KIAA0825: variants seen among roughly 807,000 people sequenced by gnomAD.
KIAA0825 encodes the protein uncharacterized protein KIAA0825.
In KIAA0825, 119 loss-of-function variants were observed where a neutral mutation model predicts 147.6. That is an observed-to-expected ratio of 0.81 (90% confidence interval 0.69 to 0.94). The LOEUF is 0.94. Among genes scored for constraint, KIAA0825 ranks in the 40% least tolerant of loss-of-function variants. The probability of loss-of-function intolerance (pLI) is 0.00; values close to 1 mark genes in which losing one functional copy is unlikely to be tolerated. For missense variants in KIAA0825, 1,381 were observed against 1,472.7 expected, an observed-to-expected ratio of 0.94 and a Z score of 1.02; for synonymous variants, 470 against 518.1, an observed-to-expected ratio of 0.91 and a Z score of 1.26.
chr5:94,212,359 C>T (rs889920150), intron 20 of KIAA0825, among the ~76,000 whole-genome samples: 6 of 152,114 alleles, frequency 3.9e-5, no homozygotes, highest in African/African-American at 7.2e-5. Context: ...TGGAAAATAG[C>T]GTCTTACACA....
intron 20 of KIAA0825, among the ~76,000 whole-genome samples, chr5:94,283,026 C>A (rs897524136): frequency 6.6e-6 from 1 of 151,858 alleles, no homozygotes; most frequent in African/African-American, 2.4e-5. Context: ...CAGAAGAATG[C>A]AATAATTACC....
chr5:94,485,304 A>G (rs534898796), intron 5 of KIAA0825, among the ~76,000 whole-genome samples: 1 of 151,910 alleles, frequency 6.6e-6, no homozygotes, highest in South Asian at 2.1e-4. Context: ...ACAGTCTACA[A>G]AATAACTAGT....
chr5:94,219,757 C>T (rs1200786256), intron 20 of KIAA0825, among the ~76,000 whole-genome samples: 1 of 152,010 alleles, frequency 6.6e-6, no homozygotes, highest in East Asian at 1.9e-4. Flanking sequence ...GTAAAAATAT[C>T]ATATGAAAGA....
intron 1 of KIAA0825, among the ~76,000 whole-genome samples, chr5:94,604,645 G>A (rs560760769): frequency 6.6e-5 from 10 of 152,240 alleles, no homozygotes; most frequent in African/African-American, 2.4e-4. Context: ...GTTCCTGAAT[G>A]ACTTTTGAGT....
At chr5:94,417,638 T>C (rs1753637587) in intron 14 of KIAA0825, among the ~76,000 whole-genome samples, 1 of 152,112 alleles carries the variant, frequency 6.6e-6, no homozygotes, top group South Asian at 2.1e-4. Flanking sequence ...ACTTCAAAGG[T>C]CAACGCTAGT....
At chr5:94,533,465 C>T (rs1234447408) in intron 3 of KIAA0825, among the ~76,000 whole-genome samples, 1 of 151,546 alleles carries the variant, frequency 6.6e-6, no homozygotes, top group Non-Finnish European at 1.5e-5. Context: ...TTAGTAGAGA[C>T]AGGGTTTCAT....
intron 20 of KIAA0825, among the ~76,000 whole-genome samples, chr5:94,245,069 A>G (rs956481649): frequency 1.3e-5 from 2 of 152,208 alleles, no homozygotes; most frequent in Non-Finnish European, 2.9e-5. Flanking sequence ...TTTACATGAA[A>G]TACTGGTATC....
chr5:94,227,021 A>C (rs1246640006), intron 20 of KIAA0825, among the ~76,000 whole-genome samples: 1 of 151,868 alleles, frequency 6.6e-6, no homozygotes, highest in African/African-American at 2.4e-5. Context: ...TAGAAATACC[A>C]TTTGACCCAG....
intron 2 of KIAA0825, among the ~76,000 whole-genome samples, chr5:94,548,182 T>C (rs2151421476): frequency 6.6e-6 from 1 of 152,252 alleles, no homozygotes; most frequent in East Asian, 1.9e-4. Flanking sequence ...GACTAAATGA[T>C]GAATGAATTG....
intron 20 of KIAA0825, among the ~76,000 whole-genome samples, chr5:94,234,545 G>T (rs1240720308): frequency 6.6e-6 from 1 of 152,174 alleles, no homozygotes; most frequent in Non-Finnish European, 1.5e-5. Flanking sequence ...TCATGGTGCT[G>T]CAGGCTTTAC....
chr5:94,393,564 T>G (rs1218037840), intron 17 of KIAA0825, among the ~76,000 whole-genome samples: 1 of 152,196 alleles, frequency 6.6e-6, no homozygotes, highest in African/African-American at 2.4e-5. Flanking sequence ...TCTAGCTAAA[T>G]GGTATCATGT....
At chr5:94,216,482 A>G (rs1224204256) in intron 20 of KIAA0825, among the ~76,000 whole-genome samples, 2 of 152,148 alleles carry the variant, frequency 1.3e-5, no homozygotes, top group East Asian at 3.9e-4. Flanking sequence ...CTGATTTTTA[A>G]CAGGAGGAAT....
chr5:94,603,058 AC>A (rs1786804310), intron 1 of KIAA0825, among the ~76,000 whole-genome samples: 1 of 151,978 alleles, frequency 6.6e-6, no homozygotes. Flanking sequence ...TGAACTCCTG[AC>A]CTCATGATCT....
At chr5:94,494,434 A>G (rs1474861905) in intron 5 of KIAA0825, among the ~76,000 whole-genome samples, 2 of 151,376 alleles carry the variant, frequency 1.3e-5, no homozygotes, top group East Asian at 3.9e-4. Flanking sequence ...TTACATTTGA[A>G]TTCAGCCAAA....
chr5:94,444,450 C>G (rs1757488431), intron 13 of KIAA0825, among the ~76,000 whole-genome samples: 1 of 152,060 alleles, frequency 6.6e-6, no homozygotes, highest in Non-Finnish European at 1.5e-5. Flanking sequence ...ACCAGGGCAT[C>G]TCTCAATGCT....
intron 12 of KIAA0825, among the ~76,000 whole-genome samples, chr5:94,455,212 G>T (rs776944480): frequency 2.6e-5 from 4 of 151,944 alleles, no homozygotes; most frequent in Non-Finnish European, 4.4e-5. Flanking sequence ...AAAAAGGAAC[G>T]TAAGATGTAA....
intron 14 of KIAA0825, among the ~76,000 whole-genome samples, chr5:94,419,343 C>T (rs1753874329): frequency 6.6e-6 from 1 of 152,176 alleles, no homozygotes; most frequent in South Asian, 2.1e-4. Flanking sequence ...CCTCTTCTTT[C>T]TGCTCCCTCC....
chr5:94,490,508 G>A (rs763290438), intron 5 of KIAA0825, among the ~76,000 whole-genome samples: 9 of 151,932 alleles, frequency 5.9e-5, no homozygotes, highest in Non-Finnish European at 8.8e-5. Context: ...TGATGGGCTG[G>A]GAACTTGATA....
chr5:94,421,638 T>C lies in KIAA0825; in HGVS notation c.2498-4273A>G, dbSNP rs1229778468. Among the ~76,000 whole-genome samples the C allele has an allele frequency of 2.6e-5, 4 of 152,334 alleles. No individual in the cohort carries two copies. The East Asian group carries it at 5.8e-4, about 22-fold the overall frequency. On this transcript the variant is annotated intron_variant, in intron 14 of 20. Transcript: ENST00000682413. ...CAATGTGTCCCTTCTTCTTTGATTC[T>C]AACACTATTAATATAGTTTAGGTTT...
Sources: allele counts gnomAD v4.1 joint callset (sites outside exome capture counted in the v4.1 genomes callset), GRCh38; gene constraint gnomAD v4.1.1; transcripts MANE v1.5; gene names NCBI Gene and HGNC (gene_info 2026-07-23, HGNC 2026-07-21).